MAST2: variants seen among roughly 807,000 people sequenced by gnomAD.
The protein encoded by MAST2 is microtubule-associated serine/threonine-protein kinase 2.
In MAST2, 70 loss-of-function variants were observed where a neutral mutation model predicts 147.4. That is an observed-to-expected ratio of 0.47 (90% CI 0.39 to 0.58). The LOEUF (loss-of-function observed/expected upper bound fraction) is 0.58. Among genes scored for constraint, MAST2 ranks in the 20% least tolerant of loss-of-function variants. MAST2 has a pLI of 0.00. For missense variants in MAST2, 2,080 were observed against 2,302.3 expected (o/e 0.90, Z 1.98); for synonymous variants, 869 against 896.8 (o/e 0.97, Z 0.55).
chr1:45,924,905 T>A (rs1336283058), intron 4 of MAST2, among the ~76,000 whole-genome samples: 1 of 152,124 alleles, frequency 6.6e-6, no homozygotes, highest in Non-Finnish European at 1.5e-5. Flanking sequence ...AGGAATGAGG[T>A]CATAGAAGAA....
At chr1:45,975,026 G>A (rs1401456166) in intron 5 of MAST2, among the ~76,000 whole-genome samples, 1 of 152,156 alleles carries the variant, frequency 6.6e-6, no homozygotes, top group Non-Finnish European at 1.5e-5. Context: ...GAGAACAGAG[G>A]GAGAATGCCT....
chr1:45,824,698 C>A, intron 2 of MAST2, 118 bp downstream of exon 2: 2 of 1,044,048 alleles, frequency 1.9e-6, no homozygotes, highest in Non-Finnish European at 2.7e-6. Flanking sequence ...TTGTATAGAA[C>A]ATTTATGGTA....
intron 5 of MAST2, among the ~76,000 whole-genome samples, chr1:45,961,878 C>T (rs965347399): frequency 1.3e-5 from 2 of 151,110 alleles, no homozygotes; most frequent in Non-Finnish European, 1.5e-5. Flanking sequence ...CCCATTAACT[C>T]GTCATTTACA....
At chr1:45,941,442 T>A (rs1387089457) in intron 4 of MAST2, among the ~76,000 whole-genome samples, 1 of 152,160 alleles carries the variant, frequency 6.6e-6, no homozygotes, top group African/African-American at 2.4e-5. Context: ...CTATTTTTAG[T>A]AGAGACGGGG....
At position 45,955,921 on chromosome 1, in the gene MAST2, T is replaced by G. The variant is rs528302742; in HGVS notation, c.501-3465T>G. On this transcript the variant is annotated intron_variant, in intron 4 of 28. Transcript: ENST00000361297. ...TTGTATAGTTTTATTGAGGTATGAT[T>G]GGAATATAATAGATTGTATGACTGT... 2.6e-5 allele frequency among the ~76,000 whole-genome samples: 4 copies of G among 152,304 alleles called. No individual in the cohort carries two copies. The South Asian group carries it at 6.2e-4, about 24-fold the overall frequency.
intron 5 of MAST2, among the ~76,000 whole-genome samples, chr1:45,971,891 G>A (rs1457173491): frequency 6.6e-6 from 1 of 152,178 alleles, no homozygotes; most frequent in Non-Finnish European, 1.5e-5. Context: ...ATTTTTAGGA[G>A]TAGGATCAAT....
At chr1:45,929,069 A>G (rs1375391476) in intron 4 of MAST2, among the ~76,000 whole-genome samples, 1 of 152,076 alleles carries the variant, frequency 6.6e-6, no homozygotes, top group Non-Finnish European at 1.5e-5. Flanking sequence ...GGAGGCGGGT[A>G]ATGTCAAGTC....
Position 46,035,110 on chromosome 1 carries a change from C to T in MAST2, c.4441C>T (p.Leu1481Phe). The change falls in exon 29 of 29, where the codon CTC becomes TTC. Residue 1481 changes from leucine to phenylalanine, a missense_variant. By Grantham distance (22) the Leu-to-Phe change is conservative. Coordinates refer to ENST00000361297, the MANE Select transcript of MAST2 (RefSeq NM_015112.3). The surrounding 1 kb of genome is among the most constrained non-coding windows in gnomAD (Gnocchi z 5.5). The stretch of plus-strand genomic sequence containing the variant: ...TGCTCCCTCACGGGCCCTAGGCACC[C>T]TCCGGCAGGACCGAGCCGAACGACG... ...QPAPSRALGT[L>F]RQDRAERRES... The T allele has an allele frequency of 6.2e-7, 1 of 1,613,604 alleles. No individual in the cohort carries two copies. Among genetic ancestry groups the T allele is most frequent in the Middle Eastern group, 1.6e-4 (1 of 6,062 alleles).
At chr1:45,928,996 T>C (rs1654851668) in intron 4 of MAST2, among the ~76,000 whole-genome samples, 1 of 152,036 alleles carries the variant, frequency 6.6e-6, no homozygotes, top group African/African-American at 2.4e-5. Context: ...GACCTGATTG[T>C]GGTTTGGTTG....
At chr1:45,918,416 G>A (rs1378700365) in intron 4 of MAST2, among the ~76,000 whole-genome samples, 6 of 152,166 alleles carry the variant, frequency 3.9e-5, no homozygotes, top group African/African-American at 1.4e-4. Context: ...GAGGCCTGAA[G>A]TGTAGTGGGC....
At chr1:45,931,554 ATCTGGGC>A (rs1655310236) in intron 4 of MAST2, among the ~76,000 whole-genome samples, 1 of 150,906 alleles carries the variant, frequency 6.6e-6, no homozygotes, top group African/African-American at 2.4e-5. Flanking sequence ...CAGTGGCATG[ATCTGGGC>A]TCACTGCAAC....
At chr1:45,988,434 A>G (rs1436160862) in intron 5 of MAST2, among the ~76,000 whole-genome samples, 1 of 152,192 alleles carries the variant, frequency 6.6e-6, no homozygotes, top group Non-Finnish European at 1.5e-5. Context: ...ATTCTATTTC[A>G]TTGTAGTCAG....
chr1:45,915,402 A>G (rs1391583945), intron 4 of MAST2, among the ~76,000 whole-genome samples: 1 of 152,208 alleles, frequency 6.6e-6, no homozygotes, highest in East Asian at 1.9e-4. Flanking sequence ...AGTAGTAATT[A>G]GGGGCAAAAA....
chr1:46,033,717 G>A, intron 26 of MAST2, 85 bp from the exon 27 acceptor site: 1 of 1,546,546 alleles, frequency 6.5e-7, no homozygotes, highest in Non-Finnish European at 8.8e-7. Flanking sequence ...CTGTGGTATA[G>A]CCATGCCAGA....
At chr1:45,931,408 G>A (rs1207948204) in intron 4 of MAST2, among the ~76,000 whole-genome samples, 1 of 114,298 alleles carries the variant, frequency 8.7e-6, no homozygotes, top group Non-Finnish European at 1.7e-5. Flanking sequence ...TTGAGATAGA[G>A]TCTTGCTCTG....
chr1:45,994,620 T>A (rs1311256213), intron 5 of MAST2, among the ~76,000 whole-genome samples: 1 of 151,996 alleles, frequency 6.6e-6, no homozygotes, highest in African/African-American at 2.4e-5. Context: ...ATTACATGGT[T>A]GGTCTTTCAG....
At chr1:45,840,933 C>G (rs971090178) in intron 3 of MAST2, among the ~76,000 whole-genome samples, 1 of 152,156 alleles carries the variant, frequency 6.6e-6, no homozygotes, top group Admixed American at 6.5e-5. Context: ...GCATTTGGTA[C>G]TGGATGCTAA....
At chr1:45,937,987 A>G (rs952479090) in intron 4 of MAST2, among the ~76,000 whole-genome samples, 3 of 152,146 alleles carry the variant, frequency 2.0e-5, no homozygotes, top group African/African-American at 7.2e-5. Flanking sequence ...CTACTCTTCT[A>G]ATTCCTAGCT....
intron 3 of MAST2, among the ~76,000 whole-genome samples, chr1:45,873,252 A>G (rs1646472555): frequency 6.6e-6 from 1 of 150,466 alleles, no homozygotes; most frequent in Admixed American, 6.6e-5. Flanking sequence ...GGAGTCCAGT[A>G]GCATGATCTT....
Sources: allele counts gnomAD v4.1 joint callset (sites outside exome capture counted in the v4.1 genomes callset), GRCh38; gene constraint gnomAD v4.1.1; non-coding constraint Gnocchi (gnomAD v3.1); transcripts MANE v1.5; gene names NCBI Gene and HGNC (gene_info 2026-07-23, HGNC 2026-07-21).